The following LDB2 variants were observed in gnomAD, a reference collection of about 807,000 sequenced individuals.
The protein encoded by LDB2 is LIM domain-binding protein 2.
Under a neutral mutation model 44.3 loss-of-function variants are expected in LDB2, and 12 were observed. The observed-to-expected ratio is 0.27, with a 90% CI of 0.17 to 0.44. LDB2 has a LOEUF of 0.44. Among genes scored for constraint, LDB2 ranks in the 20% least tolerant of loss-of-function variants. The pLI, the probability that LDB2 is intolerant of heterozygous loss-of-function variation, is 1.00. For synonymous variants in LDB2, 164 were observed against 174.8 expected (o/e 0.94, Z 0.49); for missense variants, 344 against 473.5 (o/e 0.73, Z 2.54).
At chr4:16,589,858 T>C (rs939081825) in intron 3 of LDB2, among the ~76,000 whole-genome samples, 2 of 152,194 alleles carry the variant, frequency 1.3e-5, no homozygotes, top group African/African-American at 2.4e-5. Flanking sequence ...TTTTTACTCA[T>C]TCTGGAAATT....
intron 5 of LDB2, among the ~76,000 whole-genome samples, chr4:16,575,998 C>T (rs1433639904): frequency 6.6e-6 from 1 of 152,164 alleles, no homozygotes; most frequent in Non-Finnish European, 1.5e-5. Flanking sequence ...CTTCGGCCTC[C>T]CAAAGTGCTG....
intron 2 of LDB2, among the ~76,000 whole-genome samples, chr4:16,643,742 G>T (rs1043774952): frequency 6.7e-6 from 1 of 148,962 alleles, no homozygotes; most frequent in African/African-American, 2.6e-5. Context: ...TTGGTACAGC[G>T]TAATTAACGT....
chr4:16,801,605 T>A (rs1777840028), intron 1 of LDB2, among the ~76,000 whole-genome samples: 1 of 152,226 alleles, frequency 6.6e-6, no homozygotes, highest in Admixed American at 6.5e-5. Context: ...TCCAATGATT[T>A]CCTTTCGTTT....
At chr4:16,682,397 C>T (rs1028985223) in intron 2 of LDB2, among the ~76,000 whole-genome samples, 22 of 152,226 alleles carry the variant, frequency 1.4e-4, no homozygotes, top group African/African-American at 5.3e-4. Flanking sequence ...TGGCTCCTCC[C>T]TCATTTACCA....
At chr4:16,605,495 AT>A (rs1270243775) in intron 2 of LDB2, among the ~76,000 whole-genome samples, 1 of 152,220 alleles carries the variant, frequency 6.6e-6, no homozygotes, top group African/African-American at 2.4e-5. Flanking sequence ...AAAACACCAT[AT>A]TACTCTCACA....
chr4:16,627,913 T>C (rs993510245), intron 2 of LDB2, among the ~76,000 whole-genome samples: 1 of 152,206 alleles, frequency 6.6e-6, no homozygotes, highest in Admixed American at 6.5e-5. Flanking sequence ...ACCTGGCCAC[T>C]GCTAACACAG....
At chr4:16,872,475 T>C (rs1716991940) in intron 1 of LDB2, among the ~76,000 whole-genome samples, 1 of 152,228 alleles carries the variant, frequency 6.6e-6, no homozygotes, top group South Asian at 2.1e-4. Flanking sequence ...TTGTTTATTG[T>C]ATGGTTCCTT....
intron 1 of LDB2, among the ~76,000 whole-genome samples, chr4:16,790,060 C>T (rs1237897959): frequency 2.6e-5 from 4 of 152,168 alleles, no homozygotes; most frequent in South Asian, 2.1e-4. Context: ...ACTTTTAATG[C>T]CATGTTGTCC....
At chr4:16,634,419 T>C (rs1265988183) in intron 2 of LDB2, among the ~76,000 whole-genome samples, 3 of 150,832 alleles carry the variant, frequency 2.0e-5, no homozygotes, top group Non-Finnish European at 4.4e-5. Flanking sequence ...ATATCCAGAG[T>C]CTACAAAGAA....
intron 2 of LDB2, among the ~76,000 whole-genome samples, chr4:16,653,403 GACA>G (rs900134805): frequency 6.6e-6 from 1 of 152,150 alleles, no homozygotes; most frequent in African/African-American, 2.4e-5. Context: ...AAACAACGAT[GACA>G]ACAACAACAA....
intron 1 of LDB2, among the ~76,000 whole-genome samples, chr4:16,779,656 T>C (rs1203544338): frequency 6.6e-6 from 1 of 152,204 alleles, no homozygotes; most frequent in Non-Finnish European, 1.5e-5. Flanking sequence ...TTTAGGGCTG[T>C]CAAGTGGTAA....
intron 2 of LDB2, chr4:16,653,577 A>T (rs992162351): frequency 6.6e-6 from 1 of 152,248 alleles, no homozygotes; most frequent in African/African-American, 2.4e-5. Flanking sequence ...ACTCTTCTCC[A>T]AAGTGTTTAA....
Position 16,585,723 on chromosome 4 carries a change from C to T in LDB2, c.615+199G>A, listed in dbSNP as rs150607178. The stretch of plus-strand genomic sequence containing the variant: ...ATACAGATATAGGACTCAACCCTGA[C>T]AAATTCCAGGTTTGATGCTTTGTTA... On this transcript the variant is annotated intron_variant, in intron 5 of 7. Coordinates refer to ENST00000304523, the MANE Select transcript of LDB2 (RefSeq NM_001290.5). Among the ~76,000 whole-genome samples, 342 of 152,238 alleles carry T rather than the reference C, an allele frequency of 2.2e-3. 1 individual carries two copies. Among genetic ancestry groups the T allele is most frequent in the African/African-American group, 7.8e-3 (322 of 41,540 alleles).
In LDB2 at chr4:16,719,561, C is replaced by T. The variant is rs542941468; in HGVS notation, c.235+39597G>A. 9.2e-5 allele frequency among the ~76,000 whole-genome samples: 14 copies of T among 152,204 alleles called. No homozygotes were observed. In the East Asian group the frequency reaches 2.5e-3, roughly 27 times the overall value. The stretch of plus-strand genomic sequence containing the variant: ...ATGCTAAAGTGTCTTAGAATCCTAT[C>T]TTTCTTGTTCCTGGACCACGGTAAT... On this transcript the variant is annotated intron_variant, in intron 2 of 7. Transcript: ENST00000304523.
chr4:16,625,407 A>G (rs1303633849), intron 2 of LDB2, among the ~76,000 whole-genome samples: 1 of 152,164 alleles, frequency 6.6e-6, no homozygotes, highest in Admixed American at 6.6e-5. Flanking sequence ...CACTTCTCCC[A>G]CTGGATTGAA....
chr4:16,630,973 C>T (rs1731765046), intron 2 of LDB2, among the ~76,000 whole-genome samples: 1 of 152,054 alleles, frequency 6.6e-6, no homozygotes, highest in Non-Finnish European at 1.5e-5. Flanking sequence ...ACTTAGACTC[C>T]CACACAATAA....
chr4:16,694,918 G>T (rs1751740205), intron 2 of LDB2, among the ~76,000 whole-genome samples: 1 of 152,168 alleles, frequency 6.6e-6, no homozygotes, highest in African/African-American at 2.4e-5. Context: ...TCAATGCAAG[G>T]AGTTCATGGC....
In LDB2 at chr4:16,736,006, C is replaced by T. The variant is rs561564419; in HGVS notation, c.235+23152G>A. Among the ~76,000 whole-genome samples the T allele has an allele frequency of 5.3e-5, 8 of 152,250 alleles. No individual in the cohort carries two copies. In the South Asian group the frequency reaches 1.7e-3, roughly 32 times the overall value. The stretch of plus-strand genomic sequence containing the variant: ...AAGAGCAATTATCCAGGGAGCTGGA[C>T]CTATAGATGCCACAGTGTCTGGGCA... On this transcript the variant is annotated intron_variant, in intron 2 of 7. Coordinates refer to ENST00000304523, the MANE Select transcript of LDB2 (RefSeq NM_001290.5).
intron 2 of LDB2, among the ~76,000 whole-genome samples, chr4:16,735,492 T>C (rs1379869382): frequency 6.6e-6 from 1 of 152,082 alleles, no homozygotes; most frequent in Non-Finnish European, 1.5e-5. Flanking sequence ...TGCCCTCCCA[T>C]GCAGGTGGCT....
Sources: allele counts gnomAD v4.1 joint callset (sites outside exome capture counted in the v4.1 genomes callset), GRCh38; gene constraint gnomAD v4.1.1; transcripts MANE v1.5; gene names NCBI Gene and HGNC (gene_info 2026-07-23, HGNC 2026-07-21).